NCKAP5: variants seen among roughly 807,000 people sequenced by gnomAD.
NCKAP5 encodes the protein nck-associated protein 5.
A neutral mutation model predicts 167.0 loss-of-function variants in NCKAP5; 92 were observed. The ratio of observed to expected loss-of-function variants is 0.55; its 90% CI spans 0.47 to 0.66. The LOEUF is 0.66. NCKAP5 is among the 30% of genes least tolerant of loss of function. NCKAP5 has a pLI of 0.00. For synonymous variants in NCKAP5, 891 were observed against 877.4 expected, an observed-to-expected ratio of 1.02 and a Z score of -0.27; for missense variants, 2,378 against 2,315.0, an observed-to-expected ratio of 1.03 and a Z score of -0.56.
intron 17 of NCKAP5, among the ~76,000 whole-genome samples, chr2:132,730,476 C>T (rs1209740454): frequency 1.3e-5 from 2 of 152,186 alleles, no homozygotes; most frequent in Non-Finnish European, 1.5e-5. Context: ...GCCTGGGCGA[C>T]GGAGTGAGAC....
Position 132,728,822 on chromosome 2 carries a change from C to T in NCKAP5, c.5574G>A (p.Gly1858=), listed in dbSNP as rs919970727. 1.2e-6 allele frequency: 2 copies of T among 1,613,698 alleles called. No homozygotes were observed. The highest frequency in any genetic ancestry group is 1.3e-5 in the African/African-American group (1 of 74,908). ...ACCTCCCCCGACCCCTCACCTGGGT[C>T]CCGGTGGCAGCAACTTCACTCCCCC... ...PDWGSEVAAT[G]TQDKAPRMCT... is the part of the protein sequence containing the mutation. The change falls in exon 18 of 20, where the codon GGG becomes GGA. Residue 1858 remains glycine, a synonymous_variant. Coordinates refer to ENST00000409261, the MANE Select transcript of NCKAP5 (RefSeq NM_207363.3).
intron 6 of NCKAP5, among the ~76,000 whole-genome samples, chr2:133,097,796 G>C (rs2081388860): frequency 6.6e-6 from 1 of 152,146 alleles, no homozygotes; most frequent in African/African-American, 2.4e-5. Context: ...ACGACATAGA[G>C]AGGAAAGAAC....
intron 6 of NCKAP5, among the ~76,000 whole-genome samples, chr2:133,099,916 C>T (rs959873825): frequency 4.6e-5 from 7 of 152,154 alleles, no homozygotes; most frequent in Non-Finnish European, 8.8e-5. Flanking sequence ...GCTACTTTTG[C>T]GCTACAAAGT....
chr2:133,546,540 C>T (rs1409399213), intron 2 of NCKAP5, among the ~76,000 whole-genome samples: 2 of 152,030 alleles, frequency 1.3e-5, no homozygotes, highest in African/African-American at 2.4e-5. Context: ...CATAAGGGCA[C>T]GGTTATCCTG....
chr2:133,337,000 C>A (rs943153044), intron 3 of NCKAP5, among the ~76,000 whole-genome samples: 13 of 151,990 alleles, frequency 8.6e-5, no homozygotes, highest in African/African-American at 3.1e-4. Context: ...TAATAAATAC[C>A]AAACAACAAA....
chr2:132,897,972 G>A (rs1453995318), intron 8 of NCKAP5, among the ~76,000 whole-genome samples: 1 of 152,122 alleles, frequency 6.6e-6, no homozygotes, highest in Non-Finnish European at 1.5e-5. Context: ...CTTAAAACAA[G>A]ACAACAATAA....
chr2:133,272,650 T>C (rs1477761094), intron 4 of NCKAP5, among the ~76,000 whole-genome samples: 1 of 152,212 alleles, frequency 6.6e-6, no homozygotes, highest in Non-Finnish European at 1.5e-5. Flanking sequence ...TGCACCGTTA[T>C]GCAACCATCA....
chr2:132,920,886 T>C (rs2149003084), intron 8 of NCKAP5, among the ~76,000 whole-genome samples: 1 of 144,076 alleles, frequency 6.9e-6, no homozygotes, highest in South Asian at 2.3e-4. Flanking sequence ...TGCACCTCCC[T>C]ATTCTCCTTA....
intron 6 of NCKAP5, 114 bp from the exon 7 acceptor site, chr2:132,994,353 T>A (rs1204316205): frequency 1.4e-6 from 1 of 692,782 alleles, no homozygotes; most frequent in Non-Finnish European, 2.4e-6. Context: ...AACCTGGAAA[T>A]CTCTTTTCTC....
intron 3 of NCKAP5, among the ~76,000 whole-genome samples, chr2:133,308,226 C>G (rs899328098): frequency 1.8e-4 from 27 of 150,946 alleles, no homozygotes; most frequent in African/African-American, 6.1e-4. Flanking sequence ...GTAGCTGGGA[C>G]TACAGGCGCC....
intron 6 of NCKAP5, among the ~76,000 whole-genome samples, chr2:133,091,092 A>G (rs1005527606): frequency 6.6e-6 from 1 of 152,146 alleles, no homozygotes; most frequent in Non-Finnish European, 1.5e-5. Context: ...TGCTCTGGCC[A>G]TGTAAGATGT....
chr2:132,848,818 A>G (rs1688867647), intron 11 of NCKAP5, among the ~76,000 whole-genome samples: 1 of 152,212 alleles, frequency 6.6e-6, no homozygotes, highest in African/African-American at 2.4e-5. Flanking sequence ...TGGGCAACAT[A>G]GTGAGACCTT....
intron 15 of NCKAP5, among the ~76,000 whole-genome samples, chr2:132,780,561 G>A (rs1682946398): frequency 6.6e-6 from 1 of 152,214 alleles, no homozygotes; most frequent in African/African-American, 2.4e-5. Context: ...AATAGCCTCT[G>A]TCTAAGTTGC....
chr2:132,705,694 A>G (rs1688294394), intron 19 of NCKAP5, among the ~76,000 whole-genome samples: 1 of 152,198 alleles, frequency 6.6e-6, no homozygotes, highest in Non-Finnish European at 1.5e-5. Flanking sequence ...ATGAAAAACA[A>G]AAAAAGGACC....
At chr2:132,816,224 A>G (rs996632941) in intron 11 of NCKAP5, among the ~76,000 whole-genome samples, 6 of 152,078 alleles carry the variant, frequency 3.9e-5, no homozygotes, top group South Asian at 2.1e-4. Flanking sequence ...CTGGGGCACA[A>G]TTTGTGGGGC....
chr2:133,567,068 T>C (rs1688602908), intron 1 of NCKAP5, among the ~76,000 whole-genome samples: 1 of 152,162 alleles, frequency 6.6e-6, no homozygotes. Context: ...GCAGCTGAAT[T>C]CAGGAGCAAG....
chr2:133,000,594 T>A (rs2077744859), intron 6 of NCKAP5, among the ~76,000 whole-genome samples: 1 of 152,256 alleles, frequency 6.6e-6, no homozygotes, highest in Non-Finnish European at 1.5e-5. Context: ...TTCATTTATT[T>A]GTATATAACC....
intron 11 of NCKAP5, among the ~76,000 whole-genome samples, chr2:132,823,173 G>C (rs1028200412): frequency 6.6e-6 from 1 of 152,174 alleles, no homozygotes; most frequent in Admixed American, 6.5e-5. Flanking sequence ...TAGAGATCTA[G>C]ACATTCAAAT....
At chr2:132,861,042 AT>A (rs1380404885) in intron 10 of NCKAP5, among the ~76,000 whole-genome samples, 1 of 152,112 alleles carries the variant, frequency 6.6e-6, no homozygotes, top group African/African-American at 2.4e-5. Flanking sequence ...GGAGTTTTTC[AT>A]TGTCATTTGT....
Sources: gnomAD v4.1 joint callset for allele counts (sites outside exome capture counted in the v4.1 genomes callset) on GRCh38, gnomAD v4.1.1 for gene constraint, MANE v1.5 for transcripts, NCBI Gene and HGNC (gene_info 2026-07-23, HGNC 2026-07-21) for gene names.